CASZ1: variants seen among roughly 807,000 people sequenced by gnomAD.
CASZ1 encodes the protein zinc finger protein castor homolog 1.
CASZ1 carries 28 observed loss-of-function variants against 135.2 expected under a neutral mutation model. The ratio of observed to expected loss-of-function variants is 0.21; its 90% CI spans 0.15 to 0.28. The LOEUF is 0.28. Among genes scored for constraint, CASZ1 ranks in the 10% least tolerant of loss-of-function variants. The pLI, the probability that CASZ1 is intolerant of heterozygous loss-of-function variation, is 1.00. For synonymous variants in CASZ1, 1,068 were observed against 1,073.4 expected, an observed-to-expected ratio of 0.99 and a Z score of 0.10; for missense variants, 2,161 against 2,453.3, an observed-to-expected ratio of 0.88 and a Z score of 2.52.
intron 4 of CASZ1, among the ~76,000 whole-genome samples, chr1:10,688,420 T>C (rs1326604308): frequency 6.6e-6 from 1 of 152,068 alleles, no homozygotes; most frequent in African/African-American, 2.4e-5. Context: ...AAGCAAGAGT[T>C]CTGCTCTTGG....
At chr1:10,696,441 C>T (rs1638936546) in intron 3 of CASZ1, among the ~76,000 whole-genome samples, 1 of 152,264 alleles carries the variant, frequency 6.6e-6, no homozygotes, top group Admixed American at 6.5e-5. Flanking sequence ...CCGTACCGGG[C>T]ACCCAGCACA....
In CASZ1 at chr1:10,660,030, T is replaced by C; in HGVS notation, c.1012A>G (p.Lys338Glu). Residue 338 changes from lysine (K) to glutamate (E), a missense_variant, in exon 6 of 21, where the codon AAG becomes GAG. This residue lies in a region of CASZ1 where 590 missense variants were observed against 609.8 expected (regional missense o/e 0.97). Transcript: ENST00000377022. Reference protein sequence around the residue: ...QNGSTYKKPSKYDLENVKYLH... With the variant: ...QNGSTYKKPSEYDLENVKYLH... ...TACTTGACATTCTCCAGGTCGTACTTGGATGGCTTCTTGTAGGTGCTCCCG... is the reference window on the plus strand; with the variant it reads ...TACTTGACATTCTCCAGGTCGTACTCGGATGGCTTCTTGTAGGTGCTCCCG... The C allele has an allele frequency of 6.2e-7, 1 of 1,614,132 alleles. No homozygotes were observed. The highest frequency in any genetic ancestry group is 8.5e-7 in the Non-Finnish European group (1 of 1,180,000).
chr1:10,677,090 G>A (rs1014468837), intron 4 of CASZ1, among the ~76,000 whole-genome samples: 4 of 152,198 alleles, frequency 2.6e-5, no homozygotes, highest in Admixed American at 1.3e-4. Flanking sequence ...ATCGCCCCCC[G>A]CCTCCAAGAT....
At chr1:10,782,023 C>T (rs951912036) in intron 1 of CASZ1, among the ~76,000 whole-genome samples, 1 of 152,240 alleles carries the variant, frequency 6.6e-6, no homozygotes, top group Admixed American at 6.5e-5. Context: ...CCACTGGGGG[C>T]ACAGACACCC....
intron 1 of CASZ1, among the ~76,000 whole-genome samples, chr1:10,795,546 G>A (rs1641048656): frequency 6.6e-6 from 1 of 150,918 alleles, no homozygotes; most frequent in Admixed American, 6.6e-5. Context: ...AGCGTCCCAC[G>A]TCCCCGGGCG....
At chr1:10,784,223 G>A (rs1386090253) in intron 1 of CASZ1, among the ~76,000 whole-genome samples, 1 of 152,148 alleles carries the variant, frequency 6.6e-6, no homozygotes, top group Non-Finnish European at 1.5e-5. Flanking sequence ...CTTGGTCTTG[G>A]GAGCCCTCAC....
rs907860072 is a variant in CASZ1 at position 10,639,001 on chromosome 1, C to T, written c.5221G>A (p.Ala1741Thr). 12 of 984,270 alleles carry T rather than the reference C, an allele frequency of 1.2e-5. No individual in the cohort carries two copies. Among genetic ancestry groups the T allele is most frequent in the African/African-American group, 7.1e-5 (4 of 56,404 alleles). 61.0% of individuals were successfully genotyped at this position (984,270 alleles called of 1,614,324 possible). ...GGGGCGCCCAGGGCCGCCAGCGCCG[C>T]CAAGGCCGGGGTCCGCGCGCCCGCG... ...AGAGARTPAL[A>T]ALAALGAPGP... is the part of the protein sequence containing the mutation. The change falls in exon 21 of 21, where the codon GCG (alanine) becomes ACG (threonine). Residue 1741 changes from alanine (A) to threonine (T), a missense_variant. Physicochemically the swap from Ala to Thr is moderately conservative, Grantham distance 58 (BLOSUM62 0). Coordinates refer to ENST00000377022, the MANE Select transcript of CASZ1 (RefSeq NM_001079843.3). The surrounding 1 kb of genome is among the most constrained non-coding windows in gnomAD (Gnocchi z 4.0).
Position 10,666,603 on chromosome 1 carries a change from G to A in CASZ1, c.17-1032C>T, listed in dbSNP as rs1294234692. Among the ~76,000 whole-genome samples the A allele has an allele frequency of 1.3e-5, 2 of 152,284 alleles. No homozygotes were observed. The highest frequency in any genetic ancestry group is 3.9e-4 in the East Asian group (2 of 5,164). ...GTCACAGCACCTAATCCCCGAATGTGACAGCCCGACACACACAGCCGGAAG... is the reference window on the plus strand; with the variant it reads ...GTCACAGCACCTAATCCCCGAATGTAACAGCCCGACACACACAGCCGGAAG... On this transcript the variant is annotated intron_variant, in intron 4 of 20. Coordinates refer to ENST00000377022, the MANE Select transcript of CASZ1 (RefSeq NM_001079843.3). This position sits in a 1 kb window ranked among gnomAD's most constrained non-coding sequence, Gnocchi z 5.2.
chr1:10,760,576 C>T (rs1441603908), intron 2 of CASZ1, 125 bp downstream of exon 2: 6 of 152,302 alleles, frequency 3.9e-5, no homozygotes, highest in Non-Finnish European at 7.3e-5. Context: ...AAGCTACCAC[C>T]CTCAGGATCA....
At position 10,653,490 on chromosome 1, in the gene CASZ1, G is replaced by A. The variant is rs367611106; in HGVS notation, c.2567C>T (p.Pro856Leu). 47 of 1,612,198 alleles carry A rather than the reference G, an allele frequency of 2.9e-5. No homozygotes were observed. The highest frequency in any genetic ancestry group is 2.7e-4 in the East Asian group (12 of 44,860). The change falls in exon 11 of 21, where the codon CCG becomes CTG. Residue 856 changes from proline to leucine, a missense_variant. This residue lies in a region of CASZ1 where 406 missense variants were observed against 387.6 expected (regional missense o/e 1.05). Transcript: ENST00000377022. ...CTCCATGATGGAGGCGGGTGGTGCCGGGACAGAGGCGGCAGCCACGGGGGC... is the reference window on the plus strand; with the variant it reads ...CTCCATGATGGAGGCGGGTGGTGCCAGGACAGAGGCGGCAGCCACGGGGGC... The part of the protein sequence containing the change: ...DSAPVAAASV[P>L]APPASIMERI...
chr1:10,764,330 T>C (rs2100581443), intron 1 of CASZ1, among the ~76,000 whole-genome samples: 1 of 152,376 alleles, frequency 6.6e-6, no homozygotes, highest in East Asian at 1.9e-4. Flanking sequence ...AATTGGACCA[T>C]GTGCCTACTA....
chr1:10,764,847 T>C (rs909808709), intron 1 of CASZ1, among the ~76,000 whole-genome samples: 2 of 152,122 alleles, frequency 1.3e-5, no homozygotes, highest in Non-Finnish European at 2.9e-5. Context: ...GCGAGGCCCA[T>C]GGTAATACCC....
rs79317557 is a variant in CASZ1, at chr1:10,727,396, G to GA, written c.-76-21853dup. 9.5e-4 allele frequency among the ~76,000 whole-genome samples: 136 copies of GA among 142,450 alleles called. No individual in the cohort carries two copies. The highest frequency in any genetic ancestry group is 1.8e-3 in the Admixed American group (26 of 14,290). 93.5% of individuals were successfully genotyped at this position (142,450 alleles called of 152,430 possible). A position where few individuals can be genotyped will look rare whatever the true frequency, so the allele number is the denominator to read the frequency against. On this transcript the variant is annotated intron_variant, in intron 2 of 20. Transcript: ENST00000377022. The surrounding 1 kb of genome is among the most constrained non-coding windows in gnomAD (Gnocchi z 5.3). Reference sequence around the variant, plus strand: ...CACAAGGCCTTTTAAGTCCAGAAAAGAAAAAAAAAAACAACCCAGCCTCCC... The same window carrying GA: ...CACAAGGCCTTTTAAGTCCAGAAAAGAAAAAAAAAAAACAACCCAGCCTCCC...
intron 1 of CASZ1, among the ~76,000 whole-genome samples, chr1:10,769,149 A>G (rs1402684270): frequency 6.6e-6 from 1 of 152,134 alleles, no homozygotes; most frequent in Non-Finnish European, 1.5e-5. Context: ...CAAAAAAGAA[A>G]AGAAAAGAAA....
rs1639200003 is a variant in CASZ1, at chr1:10,707,428, G to A, written c.-76-1884C>T. 6.6e-6 allele frequency among the ~76,000 whole-genome samples: 1 copy of A among 152,200 alleles called. No individual in the cohort carries two copies. The highest frequency in any genetic ancestry group is 6.5e-5 in the Admixed American group (1 of 15,282). On this transcript the variant is annotated intron_variant, in intron 2 of 20. Transcript: ENST00000377022. The surrounding 1 kb of genome is among the most constrained non-coding windows in gnomAD (Gnocchi z 5.0). The stretch of plus-strand genomic sequence containing the variant: ...AGCGCTGAACCCAAATCCCTCAGCA[G>A]TTGCACTTCATTAAGTCAAAATGTG...
At chr1:10,778,169 T>G (rs2100606331) in intron 1 of CASZ1, among the ~76,000 whole-genome samples, 1 of 151,178 alleles carries the variant, frequency 6.6e-6, no homozygotes, top group South Asian at 2.1e-4. Flanking sequence ...TCTCACACTA[T>G]CTCACAATCT....
rs1642023807 is a variant in CASZ1 at position 10,637,277 on chromosome 1, C to G, written c.*1665G>C. ...AGCAGCACGTGGTGCCCACAGAGTT[C>G]AGGAGGCTCTGGTAGGGGCTGTTTT... On this transcript the variant is annotated 3_prime_UTR_variant, in exon 21 of 21. Coordinates refer to ENST00000377022, the MANE Select transcript of CASZ1 (RefSeq NM_001079843.3). 6.6e-6 allele frequency: 1 copy of G among 152,486 alleles called. No homozygotes were observed. The highest frequency in any genetic ancestry group is 2.1e-4 in the South Asian group (1 of 4,824). 9.4% of individuals were successfully genotyped at this position (152,486 alleles called of 1,614,324 possible). A position where few individuals can be genotyped will look rare whatever the true frequency, so the allele number is the denominator to read the frequency against.
At chr1:10,785,365 C>T (rs1418532174) in intron 1 of CASZ1, among the ~76,000 whole-genome samples, 1 of 151,830 alleles carries the variant, frequency 6.6e-6, no homozygotes, top group Non-Finnish European at 1.5e-5. Flanking sequence ...ATCCTTCAAG[C>T]ACGTGGCCTG....
intron 13 of CASZ1, chr1:10,649,697 T>C: frequency 2.2e-6 from 1 of 451,026 alleles, no homozygotes; most frequent in African/African-American, 2.0e-5. Context: ...GATCCATCAC[T>C]CAAGCCGAGG....
Sources: gnomAD v4.1 joint callset for allele counts (sites outside exome capture counted in the v4.1 genomes callset) on GRCh38, gnomAD v4.1.1 for gene constraint, gnomAD v4.1.1 regional missense constraint, Gnocchi (gnomAD v3.1) non-coding constraint, MANE v1.5 for transcripts, NCBI Gene and HGNC (gene_info 2026-07-23, HGNC 2026-07-21) for gene names.